The following NRDE2 variants were observed in gnomAD, a reference collection of about 807,000 sequenced individuals.
NRDE2 encodes NRDE-2, necessary for RNA interference, domain containing.
Under a neutral mutation model 124.2 loss-of-function variants are expected in NRDE2, and 76 were observed. That is an observed-to-expected ratio of 0.61 (90% CI 0.51 to 0.74). The LOEUF is 0.74. Ranked by LOEUF, NRDE2 falls within the 30% of genes least tolerant of loss-of-function variation. The pLI, the probability that NRDE2 is intolerant of heterozygous loss-of-function variation, is 0.00. For missense variants in NRDE2, 1,314 were observed against 1,417.3 expected, an observed-to-expected ratio of 0.93 and a Z score of 1.17; for synonymous variants, 489 against 528.1, an observed-to-expected ratio of 0.93 and a Z score of 1.01.
chr14:90,269,200 T>A lies in NRDE2; in HGVS notation c.*9136A>T. On this transcript the variant is annotated 3_prime_UTR_variant, in exon 14 of 14. Transcript: ENST00000354366. ...ACAGTAGGGATTAAGTTTCAACACA[T>A]AAATTTGGGGAAATACATTCAGACC... The A allele has an allele frequency of 1.7e-6, 1 of 572,168 alleles. No individual in the cohort carries two copies. Among genetic ancestry groups the A allele is most frequent in the Non-Finnish European group, 3.1e-6 (1 of 326,536 alleles). The allele number at this position is 572,168 out of a possible 1,614,324, so 35.4% of individuals were successfully genotyped here. A position where few individuals can be genotyped will look rare whatever the true frequency, so the allele number is the denominator to read the frequency against.
At position 90,270,440 on chromosome 14, in the gene NRDE2, C is replaced by T. The variant is rs1595046381; in HGVS notation, c.*7896G>A. 7.0e-7 allele frequency: 1 copy of T among 1,423,636 alleles called. No individual in the cohort carries two copies. Among genetic ancestry groups the T allele is most frequent in the East Asian group, 2.4e-5 (1 of 40,926 alleles). The allele number at this position is 1,423,636 out of a possible 1,614,324, so 88.2% of individuals were successfully genotyped here. A position where few individuals can be genotyped will look rare whatever the true frequency, so the allele number is the denominator to read the frequency against. ...TATGTGCTCTTGGGATGGTGGTTGG[C>T]CTGGACAGGTGGGTGTCTGTATTTT... On this transcript the variant is annotated 3_prime_UTR_variant, in exon 14 of 14. Transcript: ENST00000354366.
At chr14:90,283,028 T>C (rs1396953470) in intron 12 of NRDE2, among the ~76,000 whole-genome samples, 1 of 152,120 alleles carries the variant, frequency 6.6e-6, no homozygotes, top group Admixed American at 6.5e-5. Flanking sequence ...AAAGGCACAA[T>C]CGCACAACCA....
chr14:90,299,742 C>T (rs141679170), intron 7 of NRDE2, among the ~76,000 whole-genome samples: 18 of 152,146 alleles, frequency 1.2e-4, no homozygotes, highest in African/African-American at 2.4e-4. Context: ...GGAACCAGGA[C>T]GACTACGCTC....
At chr14:90,325,653 G>A (rs1015134882) in intron 1 of NRDE2, among the ~76,000 whole-genome samples, 7 of 152,132 alleles carry the variant, frequency 4.6e-5, no homozygotes, top group Non-Finnish European at 1.0e-4. Flanking sequence ...AACCTCCCGA[G>A]TAGCTGGGAC....
At chr14:90,298,623 T>C (rs939774190) in intron 7 of NRDE2, among the ~76,000 whole-genome samples, 1 of 152,200 alleles carries the variant, frequency 6.6e-6, no homozygotes. Context: ...CACACTCGCA[T>C]GTGAGCTGGA....
intron 1 of NRDE2, among the ~76,000 whole-genome samples, chr14:90,327,403 G>A (rs1885480150): frequency 6.6e-6 from 1 of 152,118 alleles, no homozygotes. Context: ...AAATGAATCA[G>A]CCAAGTGTGG....
At chr14:90,282,824 C>T (rs779644025) in intron 12 of NRDE2, among the ~76,000 whole-genome samples, 1 of 152,236 alleles carries the variant, frequency 6.6e-6, no homozygotes, top group South Asian at 2.1e-4. Context: ...TGTGCCACTA[C>T]GCCCGGCTAA....
chr14:90,278,001 G>A lies in NRDE2; in HGVS notation c.*335C>T, dbSNP rs45614641. 0.031 allele frequency: 6,388 copies of A among 205,322 alleles called. 125 individuals carry two copies. Among genetic ancestry groups the A allele is most frequent in the Middle Eastern group, 0.045 (20 of 448 alleles). 12.7% of individuals were successfully genotyped at this position (205,322 alleles called of 1,614,324 possible). ...CACCAGCGGAGGGAACACATTCACC[G>A]TGCGGGGGCCAGTGCTGGCTGCGCA... On this transcript the variant is annotated 3_prime_UTR_variant, in exon 14 of 14. Coordinates refer to ENST00000354366, the MANE Select transcript of NRDE2 (RefSeq NM_017970.4).
chr14:90,278,566 C>T lies in NRDE2; in HGVS notation c.3370-105G>A, dbSNP rs1595051520. The T allele has an allele frequency of 5.7e-6, 8 of 1,410,484 alleles. No individual in the cohort carries two copies. The Admixed American group carries it at 7.6e-5, about 13-fold the overall frequency. The allele number at this position is 1,410,484 out of a possible 1,614,324, so 87.4% of individuals were successfully genotyped here. On this transcript the variant is annotated intron_variant, in intron 13 of 13. Transcript: ENST00000354366. ...GTTCCTGGTGACCCTGCCCTCCTGTCGCCCTCCACGGCCCCTGCTCCCCTT... is the reference window on the plus strand; with the variant it reads ...GTTCCTGGTGACCCTGCCCTCCTGTTGCCCTCCACGGCCCCTGCTCCCCTT...
Position 90,316,732 on chromosome 14 carries a change from C to G in NRDE2, c.253G>C (p.Glu85Gln). The change falls in exon 3 of 14, where the codon GAG (glutamate) becomes CAG (glutamine). Residue 85 changes from glutamate to glutamine, a missense_variant. Coordinates refer to ENST00000354366, the MANE Select transcript of NRDE2 (RefSeq NM_017970.4). ...TGATGCTTCCTTTTTTTCTTTTTCT[C>G]TTTCTTCTTTTTTCTACTTGTTTGT... ...LKQTSRKKKK[E>Q]KKKKRKHQHH... 1 of 1,613,346 alleles carries G rather than the reference C, an allele frequency of 6.2e-7. No homozygotes were observed. Among genetic ancestry groups the G allele is most frequent in the South Asian group, 1.1e-5 (1 of 90,820 alleles).
rs570853433 is a variant in NRDE2, at chr14:90,277,078, G to C, written c.*1258C>G. ...CTGTGAAAAGGCATCAAGGGGAGCA[G>C]CTGACGACCTGTCTGTCGCTAAGGA... is the stretch of plus-strand genomic sequence containing the variant. On this transcript the variant is annotated 3_prime_UTR_variant, in exon 14 of 14. Coordinates refer to ENST00000354366, the MANE Select transcript of NRDE2 (RefSeq NM_017970.4). 2 of 152,234 alleles carry C rather than the reference G, an allele frequency of 1.3e-5. No individual in the cohort carries two copies. Among genetic ancestry groups the C allele is most frequent in the Admixed American group, 1.3e-4 (2 of 15,274 alleles). 9.4% of individuals were successfully genotyped at this position (152,234 alleles called of 1,614,324 possible). A position where few individuals can be genotyped will look rare whatever the true frequency, so the allele number is the denominator to read the frequency against.
At chr14:90,301,711 T>C (rs1884408628) in intron 6 of NRDE2, 1 of 455,618 alleles carries the variant, frequency 2.2e-6, no homozygotes, top group Non-Finnish European at 4.4e-6. Flanking sequence ...AAGGATGGCG[T>C]AGCAGATTTT....
chr14:90,302,942 G>C lies in NRDE2; in HGVS notation c.1189C>G (p.Pro397Ala). 6.2e-7 allele frequency: 1 copy of C among 1,614,052 alleles called. No individual in the cohort carries two copies. The highest frequency in any genetic ancestry group is 1.7e-4 in the Middle Eastern group (1 of 6,060). ...TGCCACTCTTTGACCAGAGTGGAGGGCTCCCAGAACTCTGTGCAGAGCTTC... is the reference window on the plus strand; with the variant it reads ...TGCCACTCTTTGACCAGAGTGGAGGCCTCCCAGAACTCTGTGCAGAGCTTC... ...KLKLCTEFWE[P>A]STLVKEWQKL... Residue 397 changes from proline (P) to alanine (A), a missense_variant, in exon 6 of 14, where the codon CCC (proline) becomes GCC (alanine). Transcript: ENST00000354366.
intron 4 of NRDE2, among the ~76,000 whole-genome samples, chr14:90,307,078 C>T (rs1439918635): frequency 1.3e-5 from 2 of 152,086 alleles, no homozygotes; most frequent in African/African-American, 4.8e-5. Context: ...TGTTACTGGC[C>T]TATATTACTA....
intron 1 of NRDE2, among the ~76,000 whole-genome samples, chr14:90,323,118 C>T (rs1047052271): frequency 3.3e-5 from 5 of 151,214 alleles, no homozygotes; most frequent in Non-Finnish European, 7.4e-5. Context: ...GGCAGAAAAA[C>T]CACTTTAGAA....
At position 90,274,834 on chromosome 14, in the gene NRDE2, A is replaced by ACACACC; in HGVS notation, c.*3496_*3501dup. 1 of 54,358 alleles carries ACACACC rather than the reference A, an allele frequency of 1.8e-5. No individual in the cohort carries two copies. The highest frequency in any genetic ancestry group is 6.8e-5 in the African/African-American group (1 of 14,664). 3.4% of individuals were successfully genotyped at this position (54,358 alleles called of 1,614,324 possible). ...CACACACACACACACACACACACACACACACCCCAATACATATGAATTGAT... is the reference window on the plus strand; with the variant it reads ...CACACACACACACACACACACACACACACACCCACACCCCAATACATATGAATTGAT... On this transcript the variant is annotated 3_prime_UTR_variant, in exon 14 of 14. Transcript: ENST00000354366.
intron 1 of NRDE2, among the ~76,000 whole-genome samples, chr14:90,328,635 C>T (rs1391267029): frequency 6.6e-6 from 1 of 152,156 alleles, no homozygotes; most frequent in Non-Finnish European, 1.5e-5. Flanking sequence ...TGAAATGATT[C>T]CATAGCAAGT....
chr14:90,324,929 G>A (rs973736808), intron 1 of NRDE2, among the ~76,000 whole-genome samples: 1 of 152,212 alleles, frequency 6.6e-6, no homozygotes, highest in Admixed American at 6.5e-5. Flanking sequence ...ACAGTGTGGA[G>A]AGTGGCTCAG....
Position 90,302,806 on chromosome 14 carries a change from C to T in NRDE2, c.1325G>A (p.Gly442Glu), listed in dbSNP as rs1884452697. The T allele has an allele frequency of 1.2e-6, 2 of 1,614,012 alleles. No individual in the cohort carries two copies. Among genetic ancestry groups the T allele is most frequent in the Non-Finnish European group, 1.7e-6 (2 of 1,180,038 alleles). The change falls in exon 6 of 14, where the codon GGA becomes GAA. Residue 442 changes from glycine (G) to glutamate (E), a missense_variant. Physicochemically the swap from Gly to Glu is moderately conservative, Grantham distance 98 (BLOSUM62 -2). Coordinates refer to ENST00000354366, the MANE Select transcript of NRDE2 (RefSeq NM_017970.4). The part of the protein sequence containing the change: ...FSISKIHSLY[G>E]KCLSTLSAVK... ...AGCAGACAAAGTGCTCAAGCATTTTCCATAAAGACTGTGAATTTTTGATAT... is the reference window on the plus strand; with the variant it reads ...AGCAGACAAAGTGCTCAAGCATTTTTCATAAAGACTGTGAATTTTTGATAT...
Sources: gnomAD v4.1 joint callset for allele counts (sites outside exome capture counted in the v4.1 genomes callset) on GRCh38, gnomAD v4.1.1 for gene constraint, MANE v1.5 for transcripts, NCBI Gene and HGNC (gene_info 2026-07-23, HGNC 2026-07-21) for gene names.